AGTPBP1: variants seen among roughly 807,000 people sequenced by gnomAD.
AGTPBP1 encodes the protein ATP/GTP binding carboxypeptidase 1, also known as cytosolic carboxypeptidase 1.
A neutral mutation model predicts 143.9 loss-of-function variants in AGTPBP1; 70 were observed. The ratio of observed to expected loss-of-function variants is 0.49; its 90% confidence interval spans 0.40 to 0.59. The LOEUF is 0.59. AGTPBP1 is among the 20% of genes least tolerant of loss of function. The probability of loss-of-function intolerance (pLI) is 0.00; values close to 1 mark genes in which losing one functional copy is unlikely to be tolerated. For synonymous variants in AGTPBP1, 463 were observed against 500.2 expected, an observed-to-expected ratio of 0.93 and a Z score of 0.99; for missense variants, 1,229 against 1,464.5, an observed-to-expected ratio of 0.84 and a Z score of 2.62.
chr9:85,757,361 G>A, the AGTPBP1 span, among the ~76,000 whole-genome samples: 9 of 152,092 alleles, frequency 5.9e-5, no homozygotes, highest in East Asian at 1.9e-4. Context: ...CACCATGCCC[G>A]GCCTTGAGTT....
At chr9:85,676,559 G>A (rs909280549) in intron 6 of AGTPBP1, among the ~76,000 whole-genome samples, 2 of 151,934 alleles carry the variant, frequency 1.3e-5, no homozygotes, top group African/African-American at 4.8e-5. Context: ...AATAAATGCT[G>A]GTGAGGATAA....
chr9:85,711,088 T>C lies in AGTPBP1; in HGVS notation c.32+1414A>G, dbSNP rs145528714. Among the ~76,000 whole-genome samples, 23 of 152,334 alleles carry C rather than the reference T, an allele frequency of 1.5e-4. No individual in the cohort carries two copies. In the East Asian group the frequency reaches 4.4e-3, roughly 29 times the overall value. On this transcript the variant is annotated intron_variant, in intron 2 of 25. Coordinates refer to ENST00000357081, the MANE Select transcript of AGTPBP1 (RefSeq NM_001330701.2). ...AACAGATTTAACGCATACCAATGAA[T>C]GTAAAGTTATATACACGTAAACATA...
intron 6 of AGTPBP1, among the ~76,000 whole-genome samples, chr9:85,676,977 A>G (rs1270103079): frequency 2.0e-5 from 3 of 152,124 alleles, no homozygotes; most frequent in Non-Finnish European, 2.9e-5. Flanking sequence ...TGCAGAAGCT[A>G]AAAAAACTGA....
intron 25 of AGTPBP1, among the ~76,000 whole-genome samples, chr9:85,556,433 A>G (rs2132783941): frequency 6.6e-6 from 1 of 152,326 alleles, no homozygotes; most frequent in Non-Finnish European, 1.5e-5. Context: ...AAAAAAACAT[A>G]AAACAAGTGA....
At chr9:85,783,858 C>T in the AGTPBP1 span, among the ~76,000 whole-genome samples, 1 of 152,194 alleles carries the variant, frequency 6.6e-6, no homozygotes, top group East Asian at 1.9e-4. Context: ...CTCCTGACCT[C>T]AGGTGATCCA....
At chr9:85,690,975 A>T (rs1003015744) in intron 3 of AGTPBP1, among the ~76,000 whole-genome samples, 1 of 152,188 alleles carries the variant, frequency 6.6e-6, no homozygotes, top group African/African-American at 2.4e-5. Context: ...TGGTAGGAGC[A>T]ATGGACAAAA....
At chr9:85,668,966 CATGTGTGTGTGTGTGTGTGT>C (rs1280976101) in intron 8 of AGTPBP1, among the ~76,000 whole-genome samples, 7 of 67,572 alleles carry the variant, frequency 1.0e-4, no homozygotes, top group Non-Finnish European at 1.9e-4. Flanking sequence ...TACATACATA[CATGTGTGTGTGTGTGTGTGT>C]GTGTGTGTGT....
the AGTPBP1 span, chr9:85,756,254 T>G: frequency 6.3e-7 from 1 of 1,593,172 alleles, no homozygotes; most frequent in Non-Finnish European, 8.5e-7. Flanking sequence ...TAGTCAGGTA[T>G]TCTGTTTAAT....
chr9:85,630,344 C>G (rs184011477), intron 14 of AGTPBP1, among the ~76,000 whole-genome samples: 1 of 152,058 alleles, frequency 6.6e-6, no homozygotes, highest in Non-Finnish European at 1.5e-5. Context: ...CCTCTATCCC[C>G]CAGGATCAAT....
chr9:85,621,092 AT>A (rs1247638762), intron 15 of AGTPBP1, 109 bp downstream of exon 15: 1 of 514,182 alleles, frequency 1.9e-6, no homozygotes, highest in Non-Finnish European at 3.1e-6. Flanking sequence ...TTTATTTATT[AT>A]TTTAAAAACT....
At chr9:85,740,042 C>A (rs1364541713) in intron 1 of AGTPBP1, among the ~76,000 whole-genome samples, 1 of 151,832 alleles carries the variant, frequency 6.6e-6, no homozygotes, top group East Asian at 1.9e-4. Flanking sequence ...TACAAAATTT[C>A]ATAACTGTTG....
At chr9:85,722,181 T>C (rs1276799237) in intron 1 of AGTPBP1, among the ~76,000 whole-genome samples, 1 of 152,178 alleles carries the variant, frequency 6.6e-6, no homozygotes, top group Non-Finnish European at 1.5e-5. Context: ...TATGTATGTG[T>C]TGTTCTCTGT....
intron 11 of AGTPBP1, among the ~76,000 whole-genome samples, chr9:85,646,773 T>C (rs1397400880): frequency 1.3e-5 from 2 of 152,220 alleles, no homozygotes; most frequent in Non-Finnish European, 2.9e-5. Context: ...TTTGTTTCAA[T>C]GACAGTCATG....
At chr9:85,695,823 A>C (rs909833959) in intron 2 of AGTPBP1, among the ~76,000 whole-genome samples, 2 of 152,008 alleles carry the variant, frequency 1.3e-5, no homozygotes, top group African/African-American at 2.4e-5. Context: ...ATTTTGCCAG[A>C]CATTTTCTTT....
chr9:85,708,189 T>A (rs887073381), intron 2 of AGTPBP1, among the ~76,000 whole-genome samples: 2 of 152,198 alleles, frequency 1.3e-5, no homozygotes, highest in Non-Finnish European at 2.9e-5. Context: ...ATGGCCTCTT[T>A]TTTACATCAC....
At chr9:85,779,862 G>A in the AGTPBP1 span, among the ~76,000 whole-genome samples, 6 of 152,056 alleles carry the variant, frequency 3.9e-5, no homozygotes, top group East Asian at 1.9e-4. Flanking sequence ...ATGCTGTCTC[G>A]AAAATAATAG....
In AGTPBP1 at chr9:85,632,981, T is replaced by C. The variant is rs1831781861; in HGVS notation, c.1696A>G (p.Thr566Ala). The change falls in exon 14 of 26, where the codon ACC becomes GCC. Residue 566 changes from threonine (T) to alanine (A), a missense_variant. Thr to Ala is a moderately conservative substitution (Grantham distance 58). Around this residue, in one of 2 missense-constraint regions of AGTPBP1, gnomAD observed 743 missense variants for 812.2 expected, o/e 0.91. Transcript: ENST00000357081. ...ATGTGTGGACATGCTTTAGCACAGG[T>C]AAGGACAGTAAGAGGAAGACTGCAG... ...KDCSLPLTVL[T>A]CAKACPHMAT... The C allele has an allele frequency of 1.2e-6, 2 of 1,613,994 alleles. No homozygotes were observed. Among genetic ancestry groups the C allele is most frequent in the Non-Finnish European group, 1.7e-6 (2 of 1,180,018 alleles).
the AGTPBP1 span, among the ~76,000 whole-genome samples, chr9:85,772,397 T>C: frequency 2.0e-5 from 3 of 152,230 alleles, no homozygotes; most frequent in Admixed American, 1.3e-4. Flanking sequence ...TTCTGTGATA[T>C]AGACATTGTC....
the AGTPBP1 span, chr9:85,764,753 A>G: frequency 5.4e-6 from 7 of 1,302,494 alleles, no homozygotes; most frequent in South Asian, 5.9e-5. Context: ...CCTGAACTTA[A>G]TGGAACAAGA....
Sources: gnomAD v4.1 joint callset for allele counts (sites outside exome capture counted in the v4.1 genomes callset) on GRCh38, gnomAD v4.1.1 for gene constraint, gnomAD v4.1.1 regional missense constraint, MANE v1.5 for transcripts, NCBI Gene and HGNC (gene_info 2026-07-23, HGNC 2026-07-21) for gene names.